The following HCN1 variants were observed in gnomAD, a reference collection of about 807,000 sequenced individuals.
HCN1 encodes the protein hyperpolarization activated cyclic nucleotide gated potassium channel 1.
Under a neutral mutation model 78.9 loss-of-function variants are expected in HCN1, and 13 were observed. That is an observed-to-expected ratio of 0.16 (90% CI 0.11 to 0.26). The LOEUF (loss-of-function observed/expected upper bound fraction) is 0.26, where lower values mean the gene tolerates loss of function less well. HCN1 is among the 10% of genes least tolerant of loss of function. The pLI is 1.00. For synonymous variants in HCN1, 552 were observed against 455.5 expected (o/e 1.21, Z -2.70); for missense variants, 810 against 1,154.3 (o/e 0.70, Z 4.32).
chr5:45,611,273 T>C (rs1390312064), intron 2 of HCN1, among the ~76,000 whole-genome samples: 6 of 141,182 alleles, frequency 4.2e-5, no homozygotes, highest in South Asian at 2.4e-4. Context: ...CTTTTTCTTT[T>C]TTTTTTTTTT....
intron 2 of HCN1, among the ~76,000 whole-genome samples, chr5:45,631,167 C>T (rs1745263992): frequency 6.6e-6 from 1 of 152,134 alleles, no homozygotes; most frequent in African/African-American, 2.4e-5. Flanking sequence ...TCAAGACATA[C>T]CCTGTCTCCA....
At chr5:45,632,667 A>G (rs1047456413) in intron 2 of HCN1, among the ~76,000 whole-genome samples, 1 of 152,062 alleles carries the variant, frequency 6.6e-6, no homozygotes, top group African/African-American at 2.4e-5. Flanking sequence ...CAATGACAAT[A>G]AAAACACCAT....
intron 6 of HCN1, among the ~76,000 whole-genome samples, chr5:45,270,339 T>TTAAAACGGAATATTTGG (rs1221991314): frequency 6.6e-6 from 1 of 152,216 alleles, no homozygotes; most frequent in Non-Finnish European, 1.5e-5. Context: ...AAGAAAGGAT[T>TTAAAACGGAATATTTGG]TAAAACGGAA....
At chr5:45,461,683 C>A (rs1316249580) in intron 3 of HCN1, among the ~76,000 whole-genome samples, 163 bp downstream of exon 3, 1 of 152,062 alleles carries the variant, frequency 6.6e-6, no homozygotes, top group Non-Finnish European at 1.5e-5. Context: ...TTAGTTGTAA[C>A]CACCCTCCAC....
intron 2 of HCN1, among the ~76,000 whole-genome samples, chr5:45,586,098 T>A (rs1013225335): frequency 1.3e-5 from 2 of 152,136 alleles, no homozygotes; most frequent in African/African-American, 4.8e-5. Flanking sequence ...GCTGCCTTTT[T>A]TTGGCTATGC....
chr5:45,308,911 C>A (rs190622129), intron 5 of HCN1, among the ~76,000 whole-genome samples: 305 of 151,976 alleles, frequency 2.0e-3, no homozygotes, highest in African/African-American at 7.2e-3. Context: ...AGAATGTCAG[C>A]GGTAGTTTAA....
intron 3 of HCN1, among the ~76,000 whole-genome samples, chr5:45,414,997 C>T (rs979697518): frequency 2.0e-5 from 3 of 152,088 alleles, no homozygotes; most frequent in East Asian, 3.9e-4. Context: ...ATTACACTTC[C>T]GTACACTCTG....
At chr5:45,657,466 G>T (rs967530381) in intron 1 of HCN1, among the ~76,000 whole-genome samples, 4 of 152,096 alleles carry the variant, frequency 2.6e-5, no homozygotes, top group African/African-American at 9.7e-5. Context: ...CCATTAGTAG[G>T]CAGATGTTGC....
At chr5:45,291,421 C>T (rs1051937773) in intron 6 of HCN1, among the ~76,000 whole-genome samples, 5 of 152,080 alleles carry the variant, frequency 3.3e-5, no homozygotes. Context: ...TTTAGCAAAG[C>T]TGGCATCCTT....
intron 2 of HCN1, among the ~76,000 whole-genome samples, chr5:45,553,375 C>T (rs1050092536): frequency 6.6e-6 from 1 of 151,832 alleles, no homozygotes; most frequent in Admixed American, 6.6e-5. Context: ...TGTGAGTAAT[C>T]ATTTTTTGGT....
chr5:45,579,491 G>A (rs1321885141), intron 2 of HCN1, among the ~76,000 whole-genome samples: 1 of 151,816 alleles, frequency 6.6e-6, no homozygotes, highest in Non-Finnish European at 1.5e-5. Context: ...TATCTACCAT[G>A]GTCTCGCAAA....
At position 45,429,394 on chromosome 5, in the gene HCN1, A is replaced by T. The variant is rs116176332; in HGVS notation, c.1011+32452T>A. Among the ~76,000 whole-genome samples the T allele has an allele frequency of 1.2e-3, 179 of 152,196 alleles. 1 individual carries two copies. The highest frequency in any genetic ancestry group is 2.3e-3 in the Non-Finnish European group (157 of 68,002). On this transcript the variant is annotated intron_variant, in intron 3 of 7. Coordinates refer to ENST00000303230, the MANE Select transcript of HCN1 (RefSeq NM_021072.4). The stretch of plus-strand genomic sequence containing the variant: ...GGGCTAGATAATCCACTTCCAATAT[A>T]TATCCCTTACTCACATAGCTGACAA...
At position 45,679,205 on chromosome 5, in the gene HCN1, A is replaced by G. The variant is rs141471925; in HGVS notation, c.425+16464T>C. On this transcript the variant is annotated intron_variant, in intron 1 of 7. Coordinates refer to ENST00000303230, the MANE Select transcript of HCN1 (RefSeq NM_021072.4). ...GTTTCTCCATTTATAAGCTATCATT[A>G]TAACTGCCTAACTTTTCCATAGTTC... Among the ~76,000 whole-genome samples, 33 of 152,136 alleles carry G rather than the reference A, an allele frequency of 2.2e-4. No individual in the cohort carries two copies. In the East Asian group the frequency reaches 6.4e-3, roughly 29 times the overall value.
intron 2 of HCN1, among the ~76,000 whole-genome samples, chr5:45,470,057 G>C (rs1015746835): frequency 6.6e-6 from 1 of 151,930 alleles, no homozygotes; most frequent in Non-Finnish European, 1.5e-5. Flanking sequence ...AGAAAAACAG[G>C]CTTCTGAAAA....
chr5:45,402,583 T>C (rs1458745655), intron 3 of HCN1, among the ~76,000 whole-genome samples: 1 of 152,104 alleles, frequency 6.6e-6, no homozygotes, highest in East Asian at 1.9e-4. Context: ...CAGAAGTCAG[T>C]ATAAATGTTA....
intron 4 of HCN1, among the ~76,000 whole-genome samples, chr5:45,376,670 T>C (rs1747685488): frequency 6.6e-6 from 1 of 151,906 alleles, no homozygotes; most frequent in South Asian, 2.1e-4. Flanking sequence ...CAGACGTGAT[T>C]ATGTTTATAT....
rs376072704 is a variant in HCN1 at position 45,695,862 on chromosome 5, C to A, written c.232G>T (p.Ala78Ser). Reference sequence around the variant, plus strand: ...CCCTCGGCGTCTTCGAAGCCCCCCGCCGGCTCCTCGCCGCCGCCGCCGCCG... The same window carrying A: ...CCCTCGGCGTCTTCGAAGCCCCCCGACGGCTCCTCGCCGCCGCCGCCGCCG... The part of the protein sequence containing the change: ...GGGGGGGEEP[A>S]GGFEDAEGPR... Residue 78 changes from alanine (A) to serine (S), a missense_variant, in exon 1 of 8, where the codon GCG becomes TCG. Ala to Ser is a moderately conservative substitution (Grantham distance 99). Around this residue, in one of 6 missense-constraint regions of HCN1, gnomAD observed 170 missense variants for 166.8 expected, o/e 1.02. Coordinates refer to ENST00000303230, the MANE Select transcript of HCN1 (RefSeq NM_021072.4). 1 of 1,585,382 alleles carries A rather than the reference C, an allele frequency of 6.3e-7. No homozygotes were observed. Among genetic ancestry groups the A allele is most frequent in the Non-Finnish European group, 8.5e-7 (1 of 1,171,798 alleles).
intron 2 of HCN1, among the ~76,000 whole-genome samples, chr5:45,519,402 G>C (rs571829201): frequency 1.3e-5 from 2 of 152,004 alleles, no homozygotes; most frequent in South Asian, 4.1e-4. Flanking sequence ...CTTTCTAGAG[G>C]CCTGCTAATT....
intron 5 of HCN1, among the ~76,000 whole-genome samples, chr5:45,346,203 G>A (rs1746703709): frequency 6.6e-6 from 1 of 152,124 alleles, no homozygotes; most frequent in African/African-American, 2.4e-5. Context: ...ATGATATGTG[G>A]GAAATGTAGA....
Sources: allele counts gnomAD v4.1 joint callset (sites outside exome capture counted in the v4.1 genomes callset), GRCh38; gene constraint gnomAD v4.1.1; regional missense constraint gnomAD v4.1.1; transcripts MANE v1.5; gene names NCBI Gene and HGNC (gene_info 2026-07-23, HGNC 2026-07-21).